The following PALS2 variants were observed in gnomAD, a reference collection of about 807,000 sequenced individuals.
The protein encoded by PALS2 is protein PALS2.
In PALS2, 27 loss-of-function variants were observed where a neutral mutation model predicts 61.6. The observed-to-expected ratio is 0.44, with a 90% CI of 0.32 to 0.60. The LOEUF is 0.60. Ranked by LOEUF, PALS2 falls within the 20% of genes least tolerant of loss-of-function variation. PALS2 has a pLI of 0.05. For synonymous variants in PALS2, 236 were observed against 218.6 expected (o/e 1.08, Z -0.70); for missense variants, 554 against 639.4 (o/e 0.87, Z 1.44).
At position 24,691,691 on chromosome 7, in the gene PALS2, A is replaced by G. The variant is rs1040568229; in HGVS notation, c.*4077A>G. On this transcript the variant is annotated 3_prime_UTR_variant, in exon 12 of 12. Transcript: ENST00000222644. The stretch of plus-strand genomic sequence containing the variant: ...TATAATAAATTTAATTTTCTTAGGG[A>G]AAAAGGGCAGGGTTCTGGATGGAAA... The G allele has an allele frequency of 6.6e-6, 1 of 151,776 alleles. No individual in the cohort carries two copies. The highest frequency in any genetic ancestry group is 2.4e-5 in the African/African-American group (1 of 41,392). The allele number at this position is 151,776 out of a possible 1,614,324, so 9.4% of individuals were successfully genotyped here.
intron 1 of PALS2, among the ~76,000 whole-genome samples, chr7:24,606,123 T>C (rs1783889768): frequency 6.6e-6 from 1 of 152,186 alleles, no homozygotes; most frequent in Non-Finnish European, 1.5e-5. Flanking sequence ...ATAATATCTT[T>C]TAATAACTTT....
chr7:24,618,925 C>T lies in PALS2; in HGVS notation c.-2-4741C>T, dbSNP rs1053075124. On this transcript the variant is annotated intron_variant, in intron 1 of 11. Transcript: ENST00000222644. The surrounding 1 kb of genome is among the most constrained non-coding windows in gnomAD (Gnocchi z 5.1). The stretch of plus-strand genomic sequence containing the variant: ...GGAGGAATGTGCACCAGACACTTAC[C>T]GTCAGCCATCTTACTGACATCACTC... Among the ~76,000 whole-genome samples the T allele has an allele frequency of 6.6e-6, 1 of 152,204 alleles. No homozygotes were observed. Among genetic ancestry groups the T allele is most frequent in the African/African-American group, 2.4e-5 (1 of 41,456 alleles).
At chr7:24,647,828 C>T (rs1238303478) in intron 3 of PALS2, among the ~76,000 whole-genome samples, 1 of 152,118 alleles carries the variant, frequency 6.6e-6, no homozygotes, top group Admixed American at 6.6e-5. Flanking sequence ...CTTTTACAAT[C>T]CCTACTTTTG....
intron 9 of PALS2, among the ~76,000 whole-genome samples, chr7:24,670,422 A>G (rs1307108111): frequency 6.6e-6 from 1 of 151,558 alleles, no homozygotes; most frequent in Admixed American, 6.6e-5. Context: ...CTGGCTGCCC[A>G]GCTGTTAACA....
chr7:24,614,119 C>T (rs866444770), intron 1 of PALS2, among the ~76,000 whole-genome samples: 3 of 151,932 alleles, frequency 2.0e-5, no homozygotes, highest in Middle Eastern at 3.4e-3. Flanking sequence ...AGTGGCATTG[C>T]TGGATGATGT....
chr7:24,671,807 C>T (rs549551277), intron 9 of PALS2, among the ~76,000 whole-genome samples: 55 of 151,984 alleles, frequency 3.6e-4, no homozygotes, highest in Non-Finnish European at 1.8e-4. Flanking sequence ...GTTCTTTCCT[C>T]CAGTGGATTG....
chr7:24,677,726 A>G (rs1787694032), intron 9 of PALS2, among the ~76,000 whole-genome samples: 1 of 152,190 alleles, frequency 6.6e-6, no homozygotes, highest in Admixed American at 6.5e-5. Flanking sequence ...CAGAAACCTT[A>G]AAGATCACAC....
chr7:24,582,531 A>G (rs1782884226), intron 1 of PALS2, among the ~76,000 whole-genome samples: 1 of 151,618 alleles, frequency 6.6e-6, no homozygotes, highest in African/African-American at 2.4e-5. Context: ...CTTTTCTAAA[A>G]GAAACATTGA....
At chr7:24,664,649 C>CATT (rs1391866904) in intron 6 of PALS2, among the ~76,000 whole-genome samples, 1 of 152,080 alleles carries the variant, frequency 6.6e-6, no homozygotes, top group African/African-American at 2.4e-5. Flanking sequence ...TTAAATTTAA[C>CATT]TTAAAACATT....
At chr7:24,634,477 G>T (rs558337935) in intron 2 of PALS2, among the ~76,000 whole-genome samples, 1 of 152,078 alleles carries the variant, frequency 6.6e-6, no homozygotes, top group East Asian at 1.9e-4. Context: ...TGATCCATCC[G>T]CCTCGGCCTC....
At chr7:24,601,624 T>C (rs1039209996) in intron 1 of PALS2, among the ~76,000 whole-genome samples, 7 of 152,156 alleles carry the variant, frequency 4.6e-5, no homozygotes, top group Admixed American at 1.3e-4. Flanking sequence ...ATGTCTTTTT[T>C]TTTGTTTTTG....
At chr7:24,670,592 C>T (rs1434927276) in intron 9 of PALS2, among the ~76,000 whole-genome samples, 3 of 152,084 alleles carry the variant, frequency 2.0e-5, no homozygotes, top group Non-Finnish European at 4.4e-5. Context: ...ATATTTTCTG[C>T]CCTTTATTTG....
chr7:24,578,777 T>A (rs1782732064), intron 1 of PALS2, among the ~76,000 whole-genome samples: 1 of 152,180 alleles, frequency 6.6e-6, no homozygotes, highest in African/African-American at 2.4e-5. Flanking sequence ...AAACAGACAA[T>A]CCAAGTAGGT....
Position 24,687,353 on chromosome 7 carries a change from A to G in PALS2, c.1447-85A>G. Reference sequence around the variant, plus strand: ...GAATTACCAGAAATATATCTAACCTATTTATTATATTCACTTCTAGTTGGA... The same window carrying G: ...GAATTACCAGAAATATATCTAACCTGTTTATTATATTCACTTCTAGTTGGA... On this transcript the variant is annotated intron_variant, in intron 11 of 11. Coordinates refer to ENST00000222644, the MANE Select transcript of PALS2 (RefSeq NM_001303037.2). This position sits in a 1 kb window ranked among gnomAD's most constrained non-coding sequence, Gnocchi z 4.5. The G allele has an allele frequency of 3.0e-6, 3 of 1,011,312 alleles. No homozygotes were observed. The highest frequency in any genetic ancestry group is 4.5e-6 in the Non-Finnish European group (3 of 673,410). The allele number at this position is 1,011,312 out of a possible 1,614,324, so 62.6% of individuals were successfully genotyped here.
intron 1 of PALS2, among the ~76,000 whole-genome samples, chr7:24,593,348 G>C (rs1006702417): frequency 6.6e-6 from 1 of 152,102 alleles, no homozygotes; most frequent in African/African-American, 2.4e-5. Flanking sequence ...ATTGATGAGA[G>C]TTGGACTCAG....
In PALS2 at chr7:24,650,558, A is replaced by C; in HGVS notation, c.497A>C (p.Gln166Pro). ...RILHGGMIDRQGLLHVGDIIK... is the reference protein window; with the variant it reads ...RILHGGMIDRPGLLHVGDIIK... ...CTCCATGGGGGAATGATAGATCGAC[A>C]AGGTCTACTTCATGTGGGAGATATA... Residue 166 changes from glutamine (Q) to proline (P), a missense_variant, in exon 5 of 12, where the codon CAA (glutamine) becomes CCA (proline). Coordinates refer to ENST00000222644, the MANE Select transcript of PALS2 (RefSeq NM_001303037.2). The C allele has an allele frequency of 6.2e-7, 1 of 1,613,638 alleles. No individual in the cohort carries two copies. The highest frequency in any genetic ancestry group is 8.5e-7 in the Non-Finnish European group (1 of 1,179,706).
chr7:24,680,492 A>T lies in PALS2; in HGVS notation c.1418A>T (p.Asp473Val), dbSNP rs1377597683. The change falls in exon 11 of 12, where the codon GAT becomes GTT. Residue 473 changes from aspartate (D) to valine (V), a missense_variant. Coordinates refer to ENST00000222644, the MANE Select transcript of PALS2 (RefSeq NM_001303037.2). Reference protein sequence around the residue: ...TLRAMHKAVVDAGITTKLLTD... With the variant: ...TLRAMHKAVVVAGITTKLLTD... ...CGTGCCATGCACAAGGCTGTGGTGG[A>T]TGCAGGAATCACTACCAAGCTTCTG... 1.2e-6 allele frequency: 2 copies of T among 1,613,858 alleles called. No homozygotes were observed. Among genetic ancestry groups the T allele is most frequent in the South Asian group, 1.1e-5 (1 of 91,066 alleles).
intron 3 of PALS2, among the ~76,000 whole-genome samples, chr7:24,642,651 G>A (rs141707938): frequency 6.6e-6 from 1 of 152,186 alleles, no homozygotes; most frequent in African/African-American, 2.4e-5. Flanking sequence ...AAAATCAAAT[G>A]GTAACAGCCT....
intron 1 of PALS2, among the ~76,000 whole-genome samples, chr7:24,579,405 G>GT (rs1208675148): frequency 1.3e-5 from 2 of 152,222 alleles, no homozygotes; most frequent in Non-Finnish European, 2.9e-5. Flanking sequence ...TGATACAGAT[G>GT]TTTGTGAAAG....
Sources: gnomAD v4.1 joint callset for allele counts (sites outside exome capture counted in the v4.1 genomes callset) on GRCh38, gnomAD v4.1.1 for gene constraint, Gnocchi (gnomAD v3.1) non-coding constraint, MANE v1.5 for transcripts, NCBI Gene and HGNC (gene_info 2026-07-23, HGNC 2026-07-21) for gene names.